The following CFAP61 variants were observed in gnomAD, a reference collection of about 807,000 sequenced individuals.
The protein encoded by CFAP61 is cilia and flagella associated protein 61.
CFAP61 carries 107 observed loss-of-function variants against 135.6 expected under a neutral mutation model. That is an observed-to-expected ratio of 0.79 (90% CI 0.67 to 0.93). CFAP61 has a LOEUF of 0.93. CFAP61 is among the 40% of genes least tolerant of loss of function. CFAP61 has a pLI of 0.00. For synonymous variants in CFAP61, 575 were observed against 578.5 expected, an observed-to-expected ratio of 0.99 and a Z score of 0.09; for missense variants, 1,507 against 1,556.2, an observed-to-expected ratio of 0.97 and a Z score of 0.53.
At chr20:20,066,890 A>G (rs966783074) in intron 2 of CFAP61, among the ~76,000 whole-genome samples, 1 of 152,210 alleles carries the variant, frequency 6.6e-6, no homozygotes, top group African/African-American at 2.4e-5. Flanking sequence ...AGTCCACATT[A>G]TTTTATGGGT....
At chr20:20,306,559 A>G (rs2056488600) in intron 25 of CFAP61, among the ~76,000 whole-genome samples, 1 of 152,174 alleles carries the variant, frequency 6.6e-6, no homozygotes, top group Non-Finnish European at 1.5e-5. Context: ...TTTATGTTTA[A>G]GGCTTTTATT....
At position 20,191,787 on chromosome 20, in the gene CFAP61, C is replaced by CGTGT. The variant is rs145207907; in HGVS notation, c.1590+381_1590+384dup. Among the ~76,000 whole-genome samples, 63 of 151,042 alleles carry CGTGT rather than the reference C, an allele frequency of 4.2e-4. No individual in the cohort carries two copies. The East Asian group carries it at 0.011, about 27-fold the overall frequency. ...CTTCTTTGCACTTTATTACATATAT[C>CGTGT]GTGTGTGTGTGTGTGTCAAATGGAA... On this transcript the variant is annotated intron_variant, in intron 15 of 26. Coordinates refer to ENST00000245957, the MANE Select transcript of CFAP61 (RefSeq NM_015585.4).
At chr20:20,148,073 T>C (rs763436165) in intron 9 of CFAP61, among the ~76,000 whole-genome samples, 9 of 152,204 alleles carry the variant, frequency 5.9e-5, no homozygotes, top group African/African-American at 9.6e-5. Flanking sequence ...AGTATTTGGC[T>C]TTATTTCTGG....
intron 22 of CFAP61, among the ~76,000 whole-genome samples, chr20:20,279,575 G>A (rs576151244): frequency 2.6e-5 from 4 of 152,064 alleles, no homozygotes; most frequent in Non-Finnish European, 5.9e-5. Context: ...GGAAGAGGAG[G>A]GGTGGGTCTT....
At chr20:20,252,542 CTT>C (rs34733331) in intron 20 of CFAP61, among the ~76,000 whole-genome samples, 2 of 149,476 alleles carry the variant, frequency 1.3e-5, no homozygotes, top group Admixed American at 6.6e-5. Context: ...AACATTATGA[CTT>C]TTTTTTTTGC....
intron 20 of CFAP61, among the ~76,000 whole-genome samples, chr20:20,260,311 T>C (rs1035204242): frequency 6.6e-6 from 1 of 152,202 alleles, no homozygotes; most frequent in Non-Finnish European, 1.5e-5. Context: ...AATGTCTCCA[T>C]ACAAATTCTT....
intron 24 of CFAP61, among the ~76,000 whole-genome samples, chr20:20,294,930 G>A (rs149240087): frequency 0.048 from 5,816 of 121,738 alleles, 151 homozygotes; most frequent in Non-Finnish European, 0.069. Context: ...GCGAGACTCC[G>A]TCTCAAAAAT....
intron 15 of CFAP61, among the ~76,000 whole-genome samples, chr20:20,196,206 C>T (rs1380328977): frequency 6.6e-6 from 1 of 152,216 alleles, no homozygotes; most frequent in Non-Finnish European, 1.5e-5. Flanking sequence ...CCCACAGGCT[C>T]CGTCTCTTGT....
At chr20:20,096,132 C>G (rs1179656539) in intron 7 of CFAP61, among the ~76,000 whole-genome samples, 1 of 152,056 alleles carries the variant, frequency 6.6e-6, no homozygotes, top group Non-Finnish European at 1.5e-5. Context: ...TTCTGTTGTA[C>G]AAGTTAAAAA....
intron 4 of CFAP61, 125 bp downstream of exon 4, chr20:20,074,503 A>G (rs951041104): frequency 1.3e-6 from 1 of 763,762 alleles, no homozygotes; most frequent in Middle Eastern, 2.5e-4. Flanking sequence ...GGCTATATTA[A>G]AATATTTACT....
At chr20:20,156,123 A>G (rs1217956102) in intron 9 of CFAP61, among the ~76,000 whole-genome samples, 1 of 152,176 alleles carries the variant, frequency 6.6e-6, no homozygotes, top group Non-Finnish European at 1.5e-5. Context: ...GAACTTTTCC[A>G]TGCAACCAAA....
chr20:20,285,493 T>G (rs1230011901), intron 22 of CFAP61, among the ~76,000 whole-genome samples: 1 of 152,198 alleles, frequency 6.6e-6, no homozygotes, highest in Non-Finnish European at 1.5e-5. Flanking sequence ...GTCTCTTTTT[T>G]CTCTTTCTCA....
At chr20:20,271,651 A>G (rs1331943388) in intron 21 of CFAP61, among the ~76,000 whole-genome samples, 1 of 152,224 alleles carries the variant, frequency 6.6e-6, no homozygotes, top group Non-Finnish European at 1.5e-5. Flanking sequence ...AATCAGAGTA[A>G]TGCACGATTT....
At position 20,341,085 on chromosome 20, in the gene CFAP61, C is replaced by T. The variant is rs372641369; in HGVS notation, c.3423-746C>T. ...CAACATCCATAAACAGTAATAAGGGCAGCTAGCTCACATCCAGAGGAGAGC... is the reference window on the plus strand; with the variant it reads ...CAACATCCATAAACAGTAATAAGGGTAGCTAGCTCACATCCAGAGGAGAGC... On this transcript the variant is annotated intron_variant, in intron 25 of 26. Transcript: ENST00000245957. 1.2e-4 allele frequency among the ~76,000 whole-genome samples: 19 copies of T among 152,284 alleles called. No individual in the cohort carries two copies. The East Asian group carries it at 1.5e-3, about 12-fold the overall frequency.
chr20:20,146,937 A>G (rs1452128866), intron 9 of CFAP61, among the ~76,000 whole-genome samples: 2 of 152,174 alleles, frequency 1.3e-5, no homozygotes, highest in African/African-American at 4.8e-5. Flanking sequence ...AGTCCATTAT[A>G]TCACTCTTAC....
At chr20:20,191,158 G>A (rs1320835369) in intron 14 of CFAP61, among the ~76,000 whole-genome samples, 184 bp from the exon 15 acceptor site, 1 of 152,032 alleles carries the variant, frequency 6.6e-6, no homozygotes, top group Non-Finnish European at 1.5e-5. Context: ...ATATCTCATA[G>A]GGTTGGTGTG....
Position 20,090,927 on chromosome 20 carries a change from C to T in CFAP61, c.650C>T (p.Ala217Val), listed in dbSNP as rs753738709. Residue 217 changes from alanine (A) to valine (V), a missense_variant, in exon 7 of 27, where the codon GCC becomes GTC. Transcript: ENST00000245957. ...LKETYGEYFL[A>V]ELIEAQDEEN... ...GAAACTTACGGTGAATACTTCCTGG[C>T]CGAACTAATAGAGGCCCAAGATGAA... 1 of 1,614,102 alleles carries T rather than the reference C, an allele frequency of 6.2e-7. No individual in the cohort carries two copies. Among genetic ancestry groups the T allele is most frequent in the East Asian group, 2.2e-5 (1 of 44,868 alleles).
At chr20:20,162,457 C>T (rs1218625841) in intron 10 of CFAP61, among the ~76,000 whole-genome samples, 3 of 152,166 alleles carry the variant, frequency 2.0e-5, no homozygotes. Context: ...GGTGGCCACC[C>T]AGTAATAATG....
chr20:20,288,989 C>G, intron 23 of CFAP61, 53 bp downstream of exon 23: 1 of 1,417,902 alleles, frequency 7.1e-7, no homozygotes, highest in Non-Finnish European at 9.7e-7. Context: ...AGGTATGGCT[C>G]AGCAGTCAGG....
Sources: allele counts gnomAD v4.1 joint callset (sites outside exome capture counted in the v4.1 genomes callset), GRCh38; gene constraint gnomAD v4.1.1; transcripts MANE v1.5; gene names NCBI Gene and HGNC (gene_info 2026-07-23, HGNC 2026-07-21).